The following GPHN variants were observed in gnomAD, a reference collection of about 807,000 sequenced individuals.
The protein encoded by GPHN is gephyrin.
A neutral mutation model predicts 95.5 loss-of-function variants in GPHN; 17 were observed. The observed-to-expected ratio is 0.18, with a 90% CI of 0.12 to 0.27. GPHN has a LOEUF of 0.27. Among genes scored for constraint, GPHN ranks in the 10% least tolerant of loss-of-function variants. The pLI is 1.00. For missense variants in GPHN, 660 were observed against 978.1 expected (o/e 0.67, Z 4.34); for synonymous variants, 320 against 322.5 (o/e 0.99, Z 0.08).
the GPHN span, chr14:67,199,202 T>C: frequency 2.0e-5 from 32 of 1,606,674 alleles, no homozygotes; most frequent in African/African-American, 3.5e-4. Flanking sequence ...TGCCAAAGGA[T>C]AGAGTCACTG....
the GPHN span, chr14:67,660,036 T>C: frequency 9.2e-7 from 1 of 1,082,524 alleles, no homozygotes; most frequent in African/African-American, 1.6e-5. Flanking sequence ...ACCAAGTAAA[T>C]AACCATATGC....
At chr14:66,821,375 T>C (rs1265864961) in intron 3 of GPHN, among the ~76,000 whole-genome samples, 1 of 152,180 alleles carries the variant, frequency 6.6e-6, no homozygotes, top group Non-Finnish European at 1.5e-5. Context: ...TCAGTAGATC[T>C]TGGATGGAAC....
At chr14:67,542,574 G>C in the GPHN span, among the ~76,000 whole-genome samples, 2 of 152,248 alleles carry the variant, frequency 1.3e-5, no homozygotes, top group Non-Finnish European at 2.9e-5. Context: ...TCCTGACATA[G>C]AATAGGTCTT....
At chr14:67,330,325 A>G in the GPHN span, among the ~76,000 whole-genome samples, 1 of 151,494 alleles carries the variant, frequency 6.6e-6, no homozygotes, top group Non-Finnish European at 1.5e-5. Context: ...TAATTTTTAA[A>G]CTCTTCTTTT....
intron 2 of GPHN, among the ~76,000 whole-genome samples, chr14:66,683,084 C>T (rs765762265): frequency 2.0e-5 from 3 of 151,166 alleles, no homozygotes; most frequent in Non-Finnish European, 4.4e-5. Context: ...TTAAAACAGC[C>T]GGAAATATCT....
At chr14:67,597,853 C>T in the GPHN span, among the ~76,000 whole-genome samples, 2 of 151,390 alleles carry the variant, frequency 1.3e-5, no homozygotes, top group African/African-American at 4.9e-5. Flanking sequence ...TGGTTAGTGA[C>T]CAATATAATT....
chr14:66,750,102 C>G (rs1017914062), intron 2 of GPHN, among the ~76,000 whole-genome samples: 1 of 151,782 alleles, frequency 6.6e-6, no homozygotes, highest in African/African-American at 2.4e-5. Flanking sequence ...TGAAATCTAA[C>G]CTACTGTTTC....
intron 1 of GPHN, among the ~76,000 whole-genome samples, chr14:66,557,068 G>A (rs916367647): frequency 1.3e-5 from 2 of 152,020 alleles, no homozygotes; most frequent in Admixed American, 6.6e-5. Flanking sequence ...TTAGCTGGGC[G>A]TGGTGACGTG....
chr14:67,718,880 A>G, the GPHN span, among the ~76,000 whole-genome samples: 6 of 152,226 alleles, frequency 3.9e-5, no homozygotes, highest in Admixed American at 3.9e-4. Flanking sequence ...TGATACTGCA[A>G]TGATTAATTT....
chr14:66,655,580 G>C (rs1044236753), intron 1 of GPHN, among the ~76,000 whole-genome samples: 2 of 151,490 alleles, frequency 1.3e-5, no homozygotes, highest in South Asian at 4.1e-4. Context: ...CAGTCTGTTT[G>C]CTTCTTATTT....
chr14:66,937,725 TAAG>T (rs1241296106), intron 8 of GPHN, among the ~76,000 whole-genome samples: 1 of 152,174 alleles, frequency 6.6e-6, no homozygotes, highest in Non-Finnish European at 1.5e-5. Flanking sequence ...GTTTTACAAA[TAAG>T]AAGACCACAA....
At chr14:66,963,019 T>C (rs1285228218) in intron 8 of GPHN, among the ~76,000 whole-genome samples, 1 of 151,970 alleles carries the variant, frequency 6.6e-6, no homozygotes, top group Non-Finnish European at 1.5e-5. Context: ...TCAGTTTGTT[T>C]TCTTTTGTTA....
At chr14:66,628,942 A>G (rs181428019) in intron 1 of GPHN, among the ~76,000 whole-genome samples, 16 of 150,454 alleles carry the variant, frequency 1.1e-4, no homozygotes, top group Admixed American at 6.7e-5. Flanking sequence ...GTGTACCCCT[A>G]TAGTCCCAGC....
intron 9 of GPHN, among the ~76,000 whole-genome samples, chr14:67,009,759 T>G (rs894502388): frequency 3.3e-5 from 5 of 151,714 alleles, no homozygotes; most frequent in African/African-American, 1.2e-4. Flanking sequence ...GTTTCTGGGG[T>G]TTTTTATTTG....
the GPHN span, chr14:67,685,310 C>G: frequency 1.8e-5 from 15 of 833,996 alleles, no homozygotes; most frequent in Non-Finnish European, 2.8e-5. Context: ...CATATGGACT[C>G]TTTTGCCCAT....
rs1448134912 is a variant in GPHN at position 66,683,351 on chromosome 14, T to C, written c.143+2166T>C. On this transcript the variant is annotated intron_variant, in intron 2 of 22. Transcript: ENST00000478722. The stretch of plus-strand genomic sequence containing the variant: ...GGAAATATATATATATATATATATA[T>C]ATATATATATATATATATATATATA... Among the ~76,000 whole-genome samples the C allele has an allele frequency of 8.9e-5, 8 of 90,028 alleles. 1 individual carries two copies. The highest frequency in any genetic ancestry group is 3.5e-4 in the South Asian group (1 of 2,818). 59.1% of individuals were successfully genotyped at this position (90,028 alleles called of 152,430 possible). A position where few individuals can be genotyped will look rare whatever the true frequency, so the allele number is the denominator to read the frequency against.
intron 5 of GPHN, among the ~76,000 whole-genome samples, chr14:66,895,041 A>G (rs1036530532): frequency 9.9e-5 from 15 of 152,224 alleles, no homozygotes; most frequent in Admixed American, 2.0e-4. Flanking sequence ...TCATGCTGCT[A>G]TAAAGGCACA....
At chr14:66,555,285 A>G (rs759630474) in intron 1 of GPHN, among the ~76,000 whole-genome samples, 20 of 152,174 alleles carry the variant, frequency 1.3e-4, no homozygotes, top group Admixed American at 5.2e-4. Flanking sequence ...AATTGCATTA[A>G]GTTCTATAAT....
In GPHN at chr14:66,961,933, TATATATATATATATAC is replaced by T. The variant is rs1408793566; in HGVS notation, c.829-3256_829-3241del. ...ATATATATATATATATATATATATA[TATATATATATATATAC>T]ACATATCTCCCAGAAATTTACTCAC... On this transcript the variant is annotated intron_variant, in intron 8 of 22. Transcript: ENST00000478722. Among the ~76,000 whole-genome samples, 591 of 82,472 alleles carry T rather than the reference TATATATATATATATAC, an allele frequency of 7.2e-3. 7 individuals are homozygous for T. Among genetic ancestry groups the T allele is most frequent in the African/African-American group, 0.053 (554 of 10,428 alleles). 54.1% of individuals were successfully genotyped at this position (82,472 alleles called of 152,430 possible).
Sources: gnomAD v4.1 joint callset for allele counts (sites outside exome capture counted in the v4.1 genomes callset) on GRCh38, gnomAD v4.1.1 for gene constraint, MANE v1.5 for transcripts, NCBI Gene and HGNC (gene_info 2026-07-23, HGNC 2026-07-21) for gene names.